The following TENM3 variants were observed in gnomAD, a reference collection of about 807,000 sequenced individuals.
The protein encoded by TENM3 is teneurin transmembrane protein 3, also known as teneurin-3.
Under a neutral mutation model 255.1 loss-of-function variants are expected in TENM3, and 63 were observed. The observed-to-expected ratio is 0.25, with a 90% confidence interval of 0.20 to 0.30. TENM3 has a LOEUF of 0.30. TENM3 is among the 10% of genes least tolerant of loss of function. The pLI is 1.00. For missense variants in TENM3, 2,929 were observed against 3,461.1 expected (o/e 0.85, Z 3.86); for synonymous variants, 1,306 against 1,322.3 (o/e 0.99, Z 0.27).
At chr4:182,660,465 G>C (rs574165814) in intron 6 of TENM3, among the ~76,000 whole-genome samples, 2 of 152,130 alleles carry the variant, frequency 1.3e-5, no homozygotes, top group Non-Finnish European at 2.9e-5. Flanking sequence ...AATGAGGTTT[G>C]AATCAGGTCA....
chr4:181,651,325 C>T, the TENM3 span, among the ~76,000 whole-genome samples: 3 of 152,114 alleles, frequency 2.0e-5, no homozygotes, highest in Admixed American at 1.3e-4. Context: ...TGATGGCCGG[C>T]ACGGTGGCTC....
the TENM3 span, among the ~76,000 whole-genome samples, chr4:181,754,996 A>G: frequency 1.3e-5 from 2 of 152,156 alleles, no homozygotes; most frequent in African/African-American, 4.8e-5. Context: ...AAGGGCAAAC[A>G]TGAGGGTTTG....
the TENM3 span, among the ~76,000 whole-genome samples, chr4:182,030,174 C>T: frequency 1.3e-5 from 2 of 151,842 alleles, no homozygotes; most frequent in African/African-American, 4.8e-5. Flanking sequence ...CCTATCAACC[C>T]GTTACCTATG....
intron 3 of TENM3, among the ~76,000 whole-genome samples, chr4:182,593,079 T>C (rs188174351): frequency 6.6e-6 from 1 of 152,312 alleles, no homozygotes; most frequent in African/African-American, 2.4e-5. Context: ...TTTTTGTCTT[T>C]GAGAGTCCAG....
At chr4:181,751,021 T>G in the TENM3 span, among the ~76,000 whole-genome samples, 1 of 152,282 alleles carries the variant, frequency 6.6e-6, no homozygotes, top group African/African-American at 2.4e-5. Context: ...TTTGTGAAAA[T>G]ATTCCTTTCA....
intron 12 of TENM3, among the ~76,000 whole-genome samples, chr4:182,709,626 A>G (rs1027111624): frequency 6.6e-6 from 1 of 152,090 alleles, no homozygotes; most frequent in African/African-American, 2.4e-5. Flanking sequence ...TTTGAACCTC[A>G]TATATTGACA....
intron 6 of TENM3, 43 bp downstream of exon 6, chr4:182,653,936 C>T: frequency 1.3e-6 from 2 of 1,543,504 alleles, no homozygotes; most frequent in African/African-American, 2.8e-5. Flanking sequence ...CTTTTAACAT[C>T]CCTTTTCCAT....
chr4:182,461,200 T>C (rs1270097962), intron 3 of TENM3, among the ~76,000 whole-genome samples: 1 of 152,220 alleles, frequency 6.6e-6, no homozygotes, highest in African/African-American at 2.4e-5. Context: ...ATTATCTTGC[T>C]TGGGCATCAC....
At chr4:181,482,146 G>A in the TENM3 span, among the ~76,000 whole-genome samples, 2 of 152,078 alleles carry the variant, frequency 1.3e-5, no homozygotes, top group East Asian at 3.9e-4. Context: ...TATAATAATT[G>A]TATCTATTAA....
Position 182,800,288 on chromosome 4 carries a change from C to G in TENM3, c.8037C>G (p.Pro2679=). ...ACGTACTCTCGGTGGAGCAGTACCC[C>G]GAGCTGGCCGACAGCGCCAACAACA... ...GYYVLSVEQY[P]ELADSANNIQ... The change falls in exon 28 of 28, where the codon CCC becomes CCG. Residue 2679 remains proline (P), a synonymous_variant. Coordinates refer to ENST00000511685, the MANE Select transcript of TENM3 (RefSeq NM_001080477.4). The G allele has an allele frequency of 1.3e-6, 2 of 1,564,006 alleles. No individual in the cohort carries two copies. Among genetic ancestry groups the G allele is most frequent in the African/African-American group, 1.5e-5 (1 of 68,536 alleles).
chr4:181,572,051 G>C, the TENM3 span, among the ~76,000 whole-genome samples: 1 of 152,152 alleles, frequency 6.6e-6, no homozygotes, highest in Admixed American at 6.5e-5. Context: ...TATCCTTAGA[G>C]ATGCTGCAAA....
At chr4:181,640,260 A>T in the TENM3 span, among the ~76,000 whole-genome samples, 1 of 152,186 alleles carries the variant, frequency 6.6e-6, no homozygotes. Context: ...CTGTGCATCA[A>T]CAAGCTCTCC....
chr4:181,738,170 C>G, the TENM3 span, among the ~76,000 whole-genome samples: 1 of 152,094 alleles, frequency 6.6e-6, no homozygotes, highest in Non-Finnish European at 1.5e-5. Context: ...GAGCTATATA[C>G]CTGTAAAATC....
intron 4 of TENM3, among the ~76,000 whole-genome samples, chr4:182,604,992 C>T (rs1242192256): frequency 1.3e-5 from 2 of 152,116 alleles, no homozygotes; most frequent in Non-Finnish European, 2.9e-5. Context: ...GTTTACTAAA[C>T]TAAGATATGA....
chr4:181,618,934 T>G, the TENM3 span, among the ~76,000 whole-genome samples: 2 of 152,178 alleles, frequency 1.3e-5, no homozygotes, highest in Admixed American at 6.5e-5. Context: ...GTGCTTCCAC[T>G]TTGCCCCTGC....
the TENM3 span, among the ~76,000 whole-genome samples, chr4:182,052,546 T>C: frequency 6.6e-6 from 1 of 152,278 alleles, no homozygotes; most frequent in Middle Eastern, 3.4e-3. Flanking sequence ...ACCTTTTCCC[T>C]CGTTTTCATA....
At chr4:181,807,665 A>G in the TENM3 span, among the ~76,000 whole-genome samples, 577 of 152,308 alleles carry the variant, frequency 3.8e-3, 2 homozygotes, top group Middle Eastern at 6.8e-3. Context: ...TCCTAGGAAC[A>G]TTTCTATCAT....
At chr4:181,815,039 G>A in the TENM3 span, among the ~76,000 whole-genome samples, 1 of 152,052 alleles carries the variant, frequency 6.6e-6, no homozygotes, top group African/African-American at 2.4e-5. Flanking sequence ...TAGGAAAAGA[G>A]AAAAAGGAGA....
At chr4:181,983,293 A>G in the TENM3 span, among the ~76,000 whole-genome samples, 1 of 152,246 alleles carries the variant, frequency 6.6e-6, no homozygotes, top group East Asian at 1.9e-4. Flanking sequence ...CACGTGAAAA[A>G]TCTTGTGACC....
Sources: allele counts gnomAD v4.1 joint callset (sites outside exome capture counted in the v4.1 genomes callset), GRCh38; gene constraint gnomAD v4.1.1; transcripts MANE v1.5; gene names NCBI Gene and HGNC (gene_info 2026-07-23, HGNC 2026-07-21).